The following ARK2C variants were observed in gnomAD, a reference collection of about 807,000 sequenced individuals.
ARK2C encodes E3 ubiquitin-protein ligase ARK2C.
At chr18:46,368,941 A>G in the ARK2C span, among the ~76,000 whole-genome samples, 1 of 152,238 alleles carries the variant, frequency 6.6e-6, no homozygotes, top group Admixed American at 6.5e-5. Context: ...TTGCTTAGTG[A>G]ATGTTTACTG....
At chr18:46,463,106 A>ATAAC in the ARK2C span, 1 of 152,194 alleles carries the variant, frequency 6.6e-6, no homozygotes, top group African/African-American at 2.4e-5. Context: ...TACTTTATTT[A>ATAAC]TAACTAATAA....
chr18:46,356,238 T>C, the ARK2C span, among the ~76,000 whole-genome samples: 1 of 152,242 alleles, frequency 6.6e-6, no homozygotes, highest in African/African-American at 2.4e-5. Context: ...GTTCCAGGTG[T>C]GTTCTAGGTG....
chr18:46,385,169 G>T, the ARK2C span, among the ~76,000 whole-genome samples: 165 of 152,304 alleles, frequency 1.1e-3, no homozygotes, highest in Admixed American at 2.0e-3. Flanking sequence ...TTGGGTTAGA[G>T]AATATGTTTG....
At chr18:46,404,970 G>A in the ARK2C span, among the ~76,000 whole-genome samples, 7 of 152,130 alleles carry the variant, frequency 4.6e-5, no homozygotes, top group Middle Eastern at 3.2e-3. Flanking sequence ...ATTCAGCTCC[G>A]TTTGGCTCCA....
At chr18:46,426,578 C>T in the ARK2C span, among the ~76,000 whole-genome samples, 1 of 152,214 alleles carries the variant, frequency 6.6e-6, no homozygotes, top group African/African-American at 2.4e-5. Context: ...GCCCCCACCC[C>T]CTGCTTTATG....
At chr18:46,417,912 G>T in the ARK2C span, among the ~76,000 whole-genome samples, 1 of 152,094 alleles carries the variant, frequency 6.6e-6, no homozygotes, top group African/African-American at 2.4e-5. Context: ...GCTGAGGTGG[G>T]AGAATCGCTT....
the ARK2C span, among the ~76,000 whole-genome samples, chr18:46,407,173 G>T: frequency 6.6e-6 from 1 of 152,262 alleles, no homozygotes; most frequent in South Asian, 2.1e-4. Context: ...TTGAGGCACT[G>T]GGATCAGTGG....
At chr18:46,424,205 G>T in the ARK2C span, among the ~76,000 whole-genome samples, 1 of 152,246 alleles carries the variant, frequency 6.6e-6, no homozygotes, top group Non-Finnish European at 1.5e-5. Flanking sequence ...GCCCAGGGTA[G>T]TCAGGGTTGG....
chr18:46,455,836 A>G, the ARK2C span: 21 of 597,974 alleles, frequency 3.5e-5, no homozygotes, highest in South Asian at 1.1e-4. Flanking sequence ...ATCAGTCTCA[A>G]AAACAAAACA....
the ARK2C span, among the ~76,000 whole-genome samples, chr18:46,372,157 G>C: frequency 6.6e-6 from 1 of 152,112 alleles, no homozygotes; most frequent in Non-Finnish European, 1.5e-5. Flanking sequence ...GGAGCTGGAC[G>C]GGGCTATACC....
At chr18:46,448,558 G>C in the ARK2C span, among the ~76,000 whole-genome samples, 2 of 152,136 alleles carry the variant, frequency 1.3e-5, no homozygotes, top group Non-Finnish European at 2.9e-5. Flanking sequence ...ACCTCCCTAG[G>C]CTTTGGTTTC....
the ARK2C span, among the ~76,000 whole-genome samples, chr18:46,355,465 T>C: frequency 6.6e-6 from 1 of 152,178 alleles, no homozygotes. Context: ...CCTTGCTGTC[T>C]GAAAGCCTTG....
chr18:46,452,744 T>C, the ARK2C span, among the ~76,000 whole-genome samples: 1 of 152,196 alleles, frequency 6.6e-6, no homozygotes, highest in Non-Finnish European at 1.5e-5. Context: ...GTCCTCATCA[T>C]TGTCAAGCCA....
chr18:46,392,583 C>T, the ARK2C span, among the ~76,000 whole-genome samples: 3 of 152,106 alleles, frequency 2.0e-5, no homozygotes, highest in Non-Finnish European at 4.4e-5. Context: ...AGGAGAGGCT[C>T]TGGGGAGCCC....
the ARK2C span, among the ~76,000 whole-genome samples, chr18:46,404,823 C>T: frequency 0.011 from 1,655 of 152,080 alleles, 21 homozygotes; most frequent in African/African-American, 0.037. Context: ...CCAAAACAAA[C>T]AAACAAACAA....
chr18:46,447,142 G>A, the ARK2C span, among the ~76,000 whole-genome samples: 2 of 152,168 alleles, frequency 1.3e-5, no homozygotes, highest in Non-Finnish European at 2.9e-5. Flanking sequence ...TAGGTGTAGA[G>A]TTCTCTCTCT....
the ARK2C span, among the ~76,000 whole-genome samples, chr18:46,360,288 C>T: frequency 1.3e-5 from 2 of 152,186 alleles, no homozygotes; most frequent in Non-Finnish European, 2.9e-5. Context: ...GGCACAGAGG[C>T]GGGGTATCAT....
At chr18:46,461,891 G>A in the ARK2C span, 1 of 152,242 alleles carries the variant, frequency 6.6e-6, no homozygotes, top group Admixed American at 6.5e-5. Context: ...CGAGTGAGCT[G>A]AAATCCATGT....
chr18:46,425,308 G>C, the ARK2C span, among the ~76,000 whole-genome samples: 1 of 152,342 alleles, frequency 6.6e-6, no homozygotes, highest in East Asian at 1.9e-4. Context: ...GCTCTGGTCA[G>C]CTGGCAGGCC....
Sources: gnomAD v4.1 joint callset for allele counts (sites outside exome capture counted in the v4.1 genomes callset) on GRCh38, gnomAD v4.1.1 for gene constraint, MANE v1.5 for transcripts, NCBI Gene and HGNC (gene_info 2026-07-23, HGNC 2026-07-21) for gene names.